SRCIN1: variants seen among roughly 807,000 people sequenced by gnomAD.
The protein encoded by SRCIN1 is P130Cas-associated protein.
Under a neutral mutation model 116.2 loss-of-function variants are expected in SRCIN1, and 50 were observed. That is an observed-to-expected ratio of 0.43 (90% CI 0.34 to 0.54). The LOEUF is 0.54. Ranked by LOEUF, SRCIN1 falls within the 20% of genes least tolerant of loss-of-function variation. The pLI is 0.02. For synonymous variants in SRCIN1, 736 were observed against 750.0 expected (o/e 0.98, Z 0.30); for missense variants, 1,446 against 1,672.0 (o/e 0.86, Z 2.36).
chr17:38,587,866 G>A (rs1908204999), intron 1 of SRCIN1, among the ~76,000 whole-genome samples: 1 of 152,048 alleles, frequency 6.6e-6, no homozygotes, highest in African/African-American at 2.4e-5. Context: ...CCCCATCCTT[G>A]CAAAATGTGC....
rs756705357 is a variant in SRCIN1, at chr17:38,551,205, T to C, written c.2912A>G (p.His971Arg). The C allele has an allele frequency of 4.4e-6, 7 of 1,589,500 alleles. 1 individual carries two copies. In the South Asian group the frequency reaches 7.8e-5, roughly 18 times the overall value. The change falls in exon 15 of 19, where the codon CAC becomes CGC. Residue 971 changes from histidine (H) to arginine (R), a missense_variant. Around this residue, in one of 5 missense-constraint regions of SRCIN1, gnomAD observed 531 missense variants for 633.9 expected, o/e 0.84. Coordinates refer to ENST00000617146, the MANE Select transcript of SRCIN1 (RefSeq NM_025248.3). Reference protein sequence around the residue: ...TPDHKPPKAPHGQKAAPRTEP... With the variant: ...TPDHKPPKAPRGQKAAPRTEP... The stretch of plus-strand genomic sequence containing the variant: ...CGTTCGGGGGGCTGCCTTCTGGCCG[T>C]GGGGGGCCTTGGGGGGCTTGTGATC...
intron 1 of SRCIN1, among the ~76,000 whole-genome samples, chr17:38,583,696 G>A (rs1054297975): frequency 1.3e-5 from 2 of 151,890 alleles, no homozygotes; most frequent in African/African-American, 4.8e-5. Context: ...GGGATTACAG[G>A]AGCCCACAAC....
At chr17:38,557,008 T>C (rs1905849140) in intron 11 of SRCIN1, among the ~76,000 whole-genome samples, 1 of 150,704 alleles carries the variant, frequency 6.6e-6, no homozygotes, top group Non-Finnish European at 1.5e-5. Flanking sequence ...ATTCCCTGGG[T>C]GAGGAGAGAT....
chr17:38,567,196 C>T (rs560158313), intron 3 of SRCIN1, among the ~76,000 whole-genome samples: 2 of 152,362 alleles, frequency 1.3e-5, no homozygotes, highest in East Asian at 1.9e-4. Context: ...TGAGCCAGCA[C>T]ATCCGGCCTT....
In SRCIN1 at chr17:38,558,545, C is replaced by A; in HGVS notation, c.2026-143G>T. 1.1e-6 allele frequency: 1 copy of A among 932,414 alleles called. No homozygotes were observed. Among genetic ancestry groups the A allele is most frequent in the Non-Finnish European group, 1.6e-6 (1 of 645,030 alleles). The allele number at this position is 932,414 out of a possible 1,614,324, so 57.8% of individuals were successfully genotyped here. ...AGCGGCTGCTTGGCTCCGCCTCAGG[C>A]AGCAGCGAAGGGGTGGGATGGCGAA... is the stretch of plus-strand genomic sequence containing the variant. On this transcript the variant is annotated intron_variant, in intron 10 of 18. Transcript: ENST00000617146. This position sits in a 1 kb window ranked among gnomAD's most constrained non-coding sequence, Gnocchi z 4.6.
At chr17:38,584,956 G>A (rs938139135) in intron 1 of SRCIN1, among the ~76,000 whole-genome samples, 1 of 152,180 alleles carries the variant, frequency 6.6e-6, no homozygotes, top group Non-Finnish European at 1.5e-5. Flanking sequence ...GGCCCCTGAT[G>A]TGAGTCCTCC....
At chr17:38,603,225 AAGAG>A (rs910036917) in intron 1 of SRCIN1, among the ~76,000 whole-genome samples, 11 of 150,480 alleles carry the variant, frequency 7.3e-5, no homozygotes, top group Non-Finnish European at 1.3e-4. Flanking sequence ...GAGAGAGAGA[AAGAG>A]AGAGAGAGAG....
At position 38,552,927 on chromosome 17, in the gene SRCIN1, C is replaced by A. The variant is rs1347400907; in HGVS notation, c.2202-72G>T. Reference sequence around the variant, plus strand: ...AGCCCAGCCCCCTGAAATTGGGCAACTGGAAAGAAATCAGGCCACCAGTTG... The same window carrying A: ...AGCCCAGCCCCCTGAAATTGGGCAAATGGAAAGAAATCAGGCCACCAGTTG... On this transcript the variant is annotated intron_variant, in intron 11 of 18. Coordinates refer to ENST00000617146, the MANE Select transcript of SRCIN1 (RefSeq NM_025248.3). This position sits in a 1 kb window ranked among gnomAD's most constrained non-coding sequence, Gnocchi z 5.3. The A allele has an allele frequency of 6.4e-7, 1 of 1,552,900 alleles. No individual in the cohort carries two copies. Among genetic ancestry groups the A allele is most frequent in the Non-Finnish European group, 8.7e-7 (1 of 1,150,178 alleles).
At chr17:38,534,493 G>A (rs531867266) in intron 18 of SRCIN1, among the ~76,000 whole-genome samples, 12 of 152,292 alleles carry the variant, frequency 7.9e-5, no homozygotes, top group African/African-American at 2.9e-4. Flanking sequence ...AGCTACTAGT[G>A]TGAGAACTGA....
In SRCIN1 at chr17:38,544,097, C is replaced by T; in HGVS notation, c.3271-128G>A. On this transcript the variant is annotated intron_variant, in intron 17 of 18. Coordinates refer to ENST00000617146, the MANE Select transcript of SRCIN1 (RefSeq NM_025248.3). This position sits in a 1 kb window ranked among gnomAD's most constrained non-coding sequence, Gnocchi z 4.5. ...GGGGCCCTTTGAGACCTGGAGACCC[C>T]TCTCTAGCTCCACACCCGAGTCCAG... is the stretch of plus-strand genomic sequence containing the variant. 8.7e-7 allele frequency: 1 copy of T among 1,154,056 alleles called. No homozygotes were observed. The highest frequency in any genetic ancestry group is 1.6e-5 in the South Asian group (1 of 61,642). The allele number at this position is 1,154,056 out of a possible 1,614,324, so 71.5% of individuals were successfully genotyped here.
Position 38,561,792 on chromosome 17 carries a change from G to GC in SRCIN1, c.1370dup (p.Gly458ArgfsTer136). ...AGCCGTCGCCGTACAGCGGGCCGCC[G>GC]CCGCCCGCCGCCTTGTACAGGGAGT... On this transcript the variant is annotated frameshift_variant, in exon 7 of 19. Transcript: ENST00000617146. LOFTEE classifies it high-confidence loss of function. 6.7e-7 allele frequency: 1 copy of GC among 1,482,458 alleles called. No homozygotes were observed. The highest frequency in any genetic ancestry group is 8.9e-7 in the Non-Finnish European group (1 of 1,123,652). 91.8% of individuals were successfully genotyped at this position (1,482,458 alleles called of 1,614,324 possible).
At chr17:38,547,705 C>A in intron 17 of SRCIN1, 1 of 296,190 alleles carries the variant, frequency 3.4e-6, no homozygotes, top group Non-Finnish European at 6.6e-6. Flanking sequence ...GGAGAGGAAG[C>A]TGTGGGGGCA....
rs1036340018 is a variant in SRCIN1, at chr17:38,544,363, A to G, written c.3271-394T>C. Among the ~76,000 whole-genome samples, 1 of 152,090 alleles carries G rather than the reference A, an allele frequency of 6.6e-6. No individual in the cohort carries two copies. The highest frequency in any genetic ancestry group is 1.5e-5 in the Non-Finnish European group (1 of 67,990). On this transcript the variant is annotated intron_variant, in intron 17 of 18. Transcript: ENST00000617146. The surrounding 1 kb of genome is among the most constrained non-coding windows in gnomAD (Gnocchi z 4.5). ...TGCACATGCCAGCAAGGGGCTCTCT[A>G]TAATGGCACACAGAGCAGAGGGGCA... is the stretch of plus-strand genomic sequence containing the variant.
At chr17:38,543,374 G>A (rs1014614020) in intron 18 of SRCIN1, among the ~76,000 whole-genome samples, 2 of 152,212 alleles carry the variant, frequency 1.3e-5, no homozygotes, top group African/African-American at 4.8e-5. Context: ...CGGAGCCCTG[G>A]GAAGAGGGAG....
chr17:38,561,464 T>C lies in SRCIN1; in HGVS notation c.1699A>G (p.Arg567Gly). ...TGAGGCCTGGTTAACGTCCCTCACC[T>C]GGTCTCCGTGTCCTTGGCTGGCACT... ...PPVPAKDTET[R>G]ERMEAMEKQI... The change falls in exon 7 of 19, where the codon AGG becomes GGG. Residue 567 changes from arginine (R) to glycine (G), a missense_variant and splice_region_variant. Physicochemically the swap from Arg to Gly is moderately radical, Grantham distance 125 (BLOSUM62 -2). Transcript: ENST00000617146. 1 of 1,581,160 alleles carries C rather than the reference T, an allele frequency of 6.3e-7. No individual in the cohort carries two copies. Among genetic ancestry groups the C allele is most frequent in the East Asian group, 2.3e-5 (1 of 43,456 alleles).
intron 1 of SRCIN1, among the ~76,000 whole-genome samples, chr17:38,583,525 TTGTTTTCTTTTTTTCATTTTC>T: frequency 6.6e-6 from 1 of 151,538 alleles, no homozygotes; most frequent in East Asian, 1.9e-4. Flanking sequence ...AGAAAGTAGG[TTGTTTTCTTTTTTTCATTTTC>T]TGTTTTTTTT....
intron 18 of SRCIN1, among the ~76,000 whole-genome samples, chr17:38,539,180 C>T (rs952534148): frequency 6.6e-6 from 1 of 152,168 alleles, no homozygotes; most frequent in Non-Finnish European, 1.5e-5. Context: ...GCTGTGACAA[C>T]ACAGATTTAC....
intron 2 of SRCIN1, among the ~76,000 whole-genome samples, chr17:38,573,658 C>T (rs1392972599): frequency 6.6e-6 from 1 of 152,228 alleles, no homozygotes; most frequent in African/African-American, 2.4e-5. Context: ...TATCACAGCC[C>T]CAAGATGCTC....
chr17:38,578,470 G>C lies in SRCIN1; in HGVS notation c.324+20C>G. On this transcript the variant is annotated intron_variant, in intron 2 of 18. Transcript: ENST00000617146. ...GCTGGCCGCGGCCGCAGCCGCAGCCGCAGCCGGGAGCCCACTCACCTGCTC... is the reference window on the plus strand; with the variant it reads ...GCTGGCCGCGGCCGCAGCCGCAGCCCCAGCCGGGAGCCCACTCACCTGCTC... 1 of 1,553,620 alleles carries C rather than the reference G, an allele frequency of 6.4e-7. No individual in the cohort carries two copies. The highest frequency in any genetic ancestry group is 1.2e-5 in the South Asian group (1 of 83,826).
Sources: gnomAD v4.1 joint callset for allele counts (sites outside exome capture counted in the v4.1 genomes callset) on GRCh38, gnomAD v4.1.1 for gene constraint, gnomAD v4.1.1 regional missense constraint, Gnocchi (gnomAD v3.1) non-coding constraint, MANE v1.5 for transcripts, NCBI Gene and HGNC (gene_info 2026-07-23, HGNC 2026-07-21) for gene names.